Variants in TAP2 observed in about 807,000 individuals in gnomAD.
TAP2 encodes transporter 2, ATP binding cassette subfamily B member.
A neutral mutation model predicts 74.7 loss-of-function variants in TAP2; 49 were observed. That is an observed-to-expected ratio of 0.66 (90% CI 0.52 to 0.83). The LOEUF is 0.83. Ranked by LOEUF, TAP2 falls within the 40% of genes least tolerant of loss-of-function variation. TAP2 has a pLI of 0.00. For missense variants in TAP2, 739 were observed against 859.0 expected (o/e 0.86, Z 1.75); for synonymous variants, 306 against 368.4 (o/e 0.83, Z 1.94).
intron 5 of TAP2, among the ~76,000 whole-genome samples, chr6:32,834,416 G>T (rs1188757798): frequency 6.6e-6 from 1 of 152,182 alleles, no homozygotes; most frequent in Non-Finnish European, 1.5e-5. Flanking sequence ...TTCCACTTAC[G>T]TACCGCACCG....
chr6:32,827,608 G>A lies in TAP2; in HGVS notation c.*1298C>T. ...GTTAAGTCTTGAACTTGAAAATCAGGGGCGAGTCGAGCAGAAAATGGGCAA... is the reference window on the plus strand; with the variant it reads ...GTTAAGTCTTGAACTTGAAAATCAGAGGCGAGTCGAGCAGAAAATGGGCAA... On this transcript the variant is annotated 3_prime_UTR_variant, in exon 12 of 12. Transcript: ENST00000374897. 1 of 552,744 alleles carries A rather than the reference G, an allele frequency of 1.8e-6. No individual in the cohort carries two copies. The highest frequency in any genetic ancestry group is 2.3e-6 in the Non-Finnish European group (1 of 436,000). 34.2% of individuals were successfully genotyped at this position (552,744 alleles called of 1,614,324 possible).
chr6:32,830,633 G>C lies in TAP2; in HGVS notation c.1446C>G (p.Asp482Glu), dbSNP rs1193933337. Residue 482 changes from aspartate (D) to glutamate (E), a missense_variant, in exon 8 of 12, where the codon GAC becomes GAG. Asp to Glu is a conservative substitution (Grantham distance 45). Transcript: ENST00000374897. Reference protein sequence around the residue: ...DVSFAYPNRPDRPVLKGLTFT... With the variant: ...DVSFAYPNRPERPVLKGLTFT... ...TTTCAGGCACCTTGAGCACAGGCCT[G>C]TCAGGGCGATTGGGATATGCAAAGG... is the stretch of plus-strand genomic sequence containing the variant. 3.1e-6 allele frequency: 5 copies of C among 1,613,090 alleles called. No homozygotes were observed. In the East Asian group the frequency reaches 1.1e-4, roughly 36 times the overall value.
chr6:32,834,636 T>C, intron 5 of TAP2, among the ~76,000 whole-genome samples: 1 of 152,206 alleles, frequency 6.6e-6, no homozygotes, highest in Non-Finnish European at 1.5e-5. Context: ...ATGGTTGAAA[T>C]GGTAAATTTT....
chr6:32,827,450 C>CA lies in TAP2; in HGVS notation c.*1455dup, dbSNP rs1768729403. On this transcript the variant is annotated 3_prime_UTR_variant, in exon 12 of 12. Transcript: ENST00000374897. ...AGGTGCTCATGGTCTAGTGGAAGGT[C>CA]AAAAAAGGTGGGAAAGGGAAGATAG... 4 of 645,366 alleles carry CA rather than the reference C, an allele frequency of 6.2e-6. No individual in the cohort carries two copies. The highest frequency in any genetic ancestry group is 7.7e-6 in the Non-Finnish European group (4 of 520,130). The allele number at this position is 645,366 out of a possible 1,614,324, so 40.0% of individuals were successfully genotyped here.
chr6:32,830,712 G>A lies in TAP2; in HGVS notation c.1367C>T (p.Pro456Leu). The A allele has an allele frequency of 6.2e-7, 1 of 1,613,106 alleles. No homozygotes were observed. Among genetic ancestry groups the A allele is most frequent in the Non-Finnish European group, 8.5e-7 (1 of 1,180,028 alleles). Reference sequence around the variant, plus strand: ...CAGAGTGGTGGGGGCAAGCGTGCCAGGTGAAGGCAGATTTGGCTGTCGGTC... The same window carrying A: ...CAGAGTGGTGGGGGCAAGCGTGCCAAGTGAAGGCAGATTTGGCTGTCGGTC... ...YMDRQPNLPSPGTLAPTTLQG... is the reference protein window; with the variant it reads ...YMDRQPNLPSLGTLAPTTLQG... Residue 456 changes from proline to leucine, a missense_variant, in exon 8 of 12, where the codon CCT becomes CTT. Transcript: ENST00000374897.
chr6:32,829,893 T>C, intron 10 of TAP2, 37 bp downstream of exon 10: 1 of 1,612,804 alleles, frequency 6.2e-7, no homozygotes, highest in African/African-American at 1.3e-5. Context: ...TTTCTCTTTT[T>C]TACTGAAGGA....
chr6:32,835,551 C>A lies in TAP2; in HGVS notation c.739+92G>T. 6.4e-7 allele frequency: 1 copy of A among 1,572,316 alleles called. No homozygotes were observed. The highest frequency in any genetic ancestry group is 8.7e-7 in the Non-Finnish European group (1 of 1,146,410). On this transcript the variant is annotated intron_variant, in intron 4 of 11. Coordinates refer to ENST00000374897, the MANE Select transcript of TAP2 (RefSeq NM_001290043.2). The surrounding 1 kb of genome is among the most constrained non-coding windows in gnomAD (Gnocchi z 4.0). The stretch of plus-strand genomic sequence containing the variant: ...AAAAGCATCCCCAAGTCCTGGCATA[C>A]GGGTGAAGGCAGGAGGAGAGGCTGT...
intron 5 of TAP2, among the ~76,000 whole-genome samples, chr6:32,834,353 AGACATTACGCTAAG>A (rs1344797634): frequency 6.6e-6 from 1 of 152,262 alleles, no homozygotes; most frequent in East Asian, 1.9e-4. Context: ...TGAGGCCTGA[AGACATTACGCTAAG>A]TAAAATATGC....
At chr6:32,823,218 C>T (rs1768418695), downstream of TAP2, among the ~76,000 whole-genome samples, 1 of 152,032 alleles carries the variant, frequency 6.6e-6, no homozygotes, top group Admixed American at 6.5e-5. Flanking sequence ...CCAGGCCCAG[C>T]CTATTTTTTT....
chr6:32,835,450 C>T lies in TAP2; in HGVS notation c.740-91G>A, dbSNP rs1012494948. 1.6e-5 allele frequency: 23 copies of T among 1,474,272 alleles called. No individual in the cohort carries two copies. Among genetic ancestry groups the T allele is most frequent in the Non-Finnish European group, 2.0e-5 (21 of 1,064,720 alleles). The allele number at this position is 1,474,272 out of a possible 1,614,324, so 91.3% of individuals were successfully genotyped here. On this transcript the variant is annotated intron_variant, in intron 4 of 11. Transcript: ENST00000374897. The surrounding 1 kb of genome is among the most constrained non-coding windows in gnomAD (Gnocchi z 4.0). ...CTCCTGACCGTTCCCTCTGACACAG[C>T]CCCCTCCTCTGAACATCCTCCTTCA...
At chr6:32,830,904 C>T in intron 7 of TAP2, 98 bp from the exon 8 acceptor site, 3 of 1,037,348 alleles carry the variant, frequency 2.9e-6, no homozygotes, top group South Asian at 1.3e-5. Flanking sequence ...CTGCACTGCT[C>T]CTCCTCCATA....
At chr6:32,822,844 T>A (rs1293865983), downstream of TAP2, among the ~76,000 whole-genome samples, 1 of 152,080 alleles carries the variant, frequency 6.6e-6, no homozygotes, top group Admixed American at 6.5e-5. Context: ...ATTTTCAATT[T>A]TAAAAGTTTG....
chr6:32,822,114 C>T (rs910943944), downstream of TAP2: 6 of 592,258 alleles, frequency 1.0e-5, no homozygotes, highest in Admixed American at 3.3e-5. Context: ...TTCTTTGATA[C>T]GACTTTGGGA....
chr6:32,827,062 A>G lies in TAP2; in HGVS notation c.*1844T>C. 1.0e-6 allele frequency: 1 copy of G among 985,702 alleles called. No homozygotes were observed. 61.1% of individuals were successfully genotyped at this position (985,702 alleles called of 1,614,324 possible). A position where few individuals can be genotyped will look rare whatever the true frequency, so the allele number is the denominator to read the frequency against. ...TGAAAGAAAGGCAAATCTGCACAAG[A>G]AACTGCCCACTCTCACCCCATCCTC... is the stretch of plus-strand genomic sequence containing the variant. On this transcript the variant is annotated 3_prime_UTR_variant, in exon 12 of 12. Coordinates refer to ENST00000374897, the MANE Select transcript of TAP2 (RefSeq NM_001290043.2).
Position 32,830,014 on chromosome 6 carries a change from A to G in TAP2, c.1711T>C (p.Cys571Arg). Residue 571 changes from cysteine (C) to arginine (R), a missense_variant, in exon 10 of 12, where the codon TGC becomes CGC. Physicochemically the swap from Cys to Arg is radical, Grantham distance 180. Coordinates refer to ENST00000374897, the MANE Select transcript of TAP2 (RefSeq NM_001290043.2). ...GCCGCCATCACCTTATCATCTTCGC[A>G]GCTCTGCAGCCCATAAGCAATGTTG... ...RNNIAYGLQS[C>R]EDDKVMAAAQ... The G allele has an allele frequency of 6.2e-7, 1 of 1,613,112 alleles. No homozygotes were observed.
intron 10 of TAP2, among the ~76,000 whole-genome samples, 175 bp downstream of exon 10, chr6:32,829,755 C>T (rs1348137873): frequency 2.0e-5 from 3 of 152,162 alleles, no homozygotes; most frequent in Non-Finnish European, 4.4e-5. Context: ...AACAAAGACT[C>T]TTGATCAAGA....
chr6:32,830,902 C>T, intron 7 of TAP2, 96 bp from the exon 8 acceptor site: 1 of 1,054,808 alleles, frequency 9.5e-7, no homozygotes, highest in Non-Finnish European at 1.4e-6. Context: ...AACTGCACTG[C>T]TCCTCCTCCA....
In TAP2 at chr6:32,829,991, C is replaced by T. The variant is rs543399235; in HGVS notation, c.1734G>A (p.Ala578=). The change falls in exon 10 of 12, where the codon GCG becomes GCA. Residue 578 remains alanine (A), a synonymous_variant. Coordinates refer to ENST00000374897, the MANE Select transcript of TAP2 (RefSeq NM_001290043.2). ...LQSCEDDKVM[A]AAQAAHADDF... ...CATCTGCGTGGGCAGCCTGGGCAGCCGCCATCACCTTATCATCTTCGCAGC... is the reference window on the plus strand; with the variant it reads ...CATCTGCGTGGGCAGCCTGGGCAGCTGCCATCACCTTATCATCTTCGCAGC... 2.9e-5 allele frequency: 46 copies of T among 1,613,130 alleles called. No individual in the cohort carries two copies. Among genetic ancestry groups the T allele is most frequent in the South Asian group, 2.6e-4 (24 of 91,088 alleles).
rs781597165 is a variant in TAP2, at chr6:32,835,335, G to A, written c.764C>T (p.Ser255Leu). The A allele has an allele frequency of 1.4e-5, 23 of 1,612,924 alleles. No homozygotes were observed. The highest frequency in any genetic ancestry group is 2.7e-5 in the African/African-American group (2 of 74,904). ...CCAGTTACTCATCAGGGTGGTATCC[G>A]AGCTCAGCCGTGAGTTCAGCTCCCC... ...KTGELNSRLS[S>L]DTTLMSNWLP... Residue 255 changes from serine (S) to leucine (L), a missense_variant, in exon 5 of 12, where the codon TCG becomes TTG. Physicochemically the swap from Ser to Leu is moderately radical, Grantham distance 145. Coordinates refer to ENST00000374897, the MANE Select transcript of TAP2 (RefSeq NM_001290043.2). The surrounding 1 kb of genome is among the most constrained non-coding windows in gnomAD (Gnocchi z 4.0).
Sources: gnomAD v4.1 joint callset for allele counts (sites outside exome capture counted in the v4.1 genomes callset) on GRCh38, gnomAD v4.1.1 for gene constraint, Gnocchi (gnomAD v3.1) non-coding constraint, MANE v1.5 for transcripts, NCBI Gene and HGNC (gene_info 2026-07-23, HGNC 2026-07-21) for gene names.